CHCHD3: variants seen among roughly 807,000 people sequenced by gnomAD.
CHCHD3 encodes MICOS complex subunit MIC19.
CHCHD3 carries 20 observed loss-of-function variants against 38.2 expected under a neutral mutation model. The observed-to-expected ratio is 0.52, with a 90% CI of 0.37 to 0.76. CHCHD3 has a LOEUF of 0.76. Ranked by LOEUF, CHCHD3 falls within the 30% of genes least tolerant of loss-of-function variation. The pLI is 0.00. For synonymous variants in CHCHD3, 82 were observed against 100.0 expected (o/e 0.82, Z 1.07); for missense variants, 245 against 279.2 (o/e 0.88, Z 0.87).
chr7:133,016,761 A>C (rs747457984), intron 3 of CHCHD3, among the ~76,000 whole-genome samples: 6 of 152,204 alleles, frequency 3.9e-5, no homozygotes, highest in Non-Finnish European at 8.8e-5. Flanking sequence ...CAGATCCTGC[A>C]CAGAAGGACC....
chr7:132,942,734 A>T (rs1008459799), intron 4 of CHCHD3, among the ~76,000 whole-genome samples: 10 of 152,346 alleles, frequency 6.6e-5, no homozygotes. Flanking sequence ...TGAATGGAGA[A>T]AAACATATAA....
rs148964975 is a variant in CHCHD3, at chr7:133,035,093, G to A, written c.170-10466C>T. ...TGGGCAGGTGAGCGAAGGGGTCCTTGGCCTTGGGCTCAGCAGCCAGCGCCT... is the reference window on the plus strand; with the variant it reads ...TGGGCAGGTGAGCGAAGGGGTCCTTAGCCTTGGGCTCAGCAGCCAGCGCCT... On this transcript the variant is annotated intron_variant, in intron 2 of 7. Transcript: ENST00000262570. This position sits in a 1 kb window ranked among gnomAD's most constrained non-coding sequence, Gnocchi z 4.7. 3,032 of 1,613,684 alleles carry A rather than the reference G, an allele frequency of 1.9e-3. 28 individuals are homozygous for A. In the Middle Eastern group the frequency reaches 0.029, roughly 15 times the overall value.
chr7:132,886,383 AG>A (rs1227457965), intron 4 of CHCHD3, among the ~76,000 whole-genome samples: 1 of 151,934 alleles, frequency 6.6e-6, no homozygotes, highest in Non-Finnish European at 1.5e-5. Flanking sequence ...AATCAAAACA[AG>A]TATAATATTT....
rs186027889 is a variant in CHCHD3, at chr7:132,852,614, G to A, written c.454-14145C>T. ...GAATCCAGGTTGACAGAAAAACTGAGTGAATCCAGTTATTACCCTTCAGCT... is the reference window on the plus strand; with the variant it reads ...GAATCCAGGTTGACAGAAAAACTGAATGAATCCAGTTATTACCCTTCAGCT... On this transcript the variant is annotated intron_variant, in intron 5 of 7. Coordinates refer to ENST00000262570, the MANE Select transcript of CHCHD3 (RefSeq NM_017812.4). 2.6e-3 allele frequency among the ~76,000 whole-genome samples: 393 copies of A among 152,284 alleles called. 3 individuals are homozygous for A. The highest frequency in any genetic ancestry group is 9.0e-3 in the African/African-American group (374 of 41,564).
chr7:132,901,556 TG>T lies in CHCHD3; in HGVS notation c.370-15812del, dbSNP rs1162751800. ...GTTTAGACTTAGCTTTGTTCTTCTC[TG>T]ATGGCCAGTGATGATCAGATCTGTT... is the stretch of plus-strand genomic sequence containing the variant. On this transcript the variant is annotated intron_variant, in intron 4 of 7. Coordinates refer to ENST00000262570, the MANE Select transcript of CHCHD3 (RefSeq NM_017812.4). 1.2e-4 allele frequency among the ~76,000 whole-genome samples: 19 copies of T among 152,362 alleles called. 1 individual carries two copies. The highest frequency in any genetic ancestry group is 3.4e-3 in the Middle Eastern group (1 of 294).
intron 5 of CHCHD3, among the ~76,000 whole-genome samples, chr7:132,851,709 C>T (rs1359494168): frequency 6.6e-6 from 1 of 152,216 alleles, no homozygotes; most frequent in African/African-American, 2.4e-5. Context: ...AGCACAGGAA[C>T]CTCCCATTCT....
chr7:132,961,139 A>T (rs111902776), intron 4 of CHCHD3, among the ~76,000 whole-genome samples: 3,192 of 152,158 alleles, frequency 0.021, 136 homozygotes, highest in African/African-American at 0.072. Flanking sequence ...TAAATTAGCC[A>T]GGTGTGGTAG....
At chr7:132,838,291 G>A in intron 6 of CHCHD3, 108 bp downstream of exon 6, 1 of 660,430 alleles carries the variant, frequency 1.5e-6, no homozygotes, top group Non-Finnish European at 2.5e-6. Context: ...ACTCTTCCAA[G>A]TATTCTAGAG....
At chr7:132,956,024 G>C (rs139454037) in intron 4 of CHCHD3, among the ~76,000 whole-genome samples, 1 of 152,338 alleles carries the variant, frequency 6.6e-6, no homozygotes, top group East Asian at 1.9e-4. Context: ...AACAGAGCCT[G>C]ACTAAAGTTT....
chr7:132,820,493 G>C lies in CHCHD3; in HGVS notation c.524+17906C>G, dbSNP rs575818893. On this transcript the variant is annotated intron_variant, in intron 6 of 7. Coordinates refer to ENST00000262570, the MANE Select transcript of CHCHD3 (RefSeq NM_017812.4). Reference sequence around the variant, plus strand: ...CGCATCCCTTTCTCACTCTCTATAGGAATTTATCTCCTTTCATAGAAACAA... The same window carrying C: ...CGCATCCCTTTCTCACTCTCTATAGCAATTTATCTCCTTTCATAGAAACAA... Among the ~76,000 whole-genome samples, 121 of 152,046 alleles carry C rather than the reference G, an allele frequency of 8.0e-4. 1 individual carries two copies. The highest frequency in any genetic ancestry group is 1.4e-3 in the Non-Finnish European group (96 of 68,000).
Position 133,059,715 on chromosome 7 carries a change from T to C in CHCHD3, c.169+10427A>G, listed in dbSNP as rs1814444688. The stretch of plus-strand genomic sequence containing the variant: ...CGATTGAGACCTGAAACTGGCATTG[T>C]ATAAGCACCATCAGGAGCCTGGTGA... On this transcript the variant is annotated intron_variant, in intron 2 of 7. Coordinates refer to ENST00000262570, the MANE Select transcript of CHCHD3 (RefSeq NM_017812.4). Among the ~76,000 whole-genome samples the C allele has an allele frequency of 2.0e-5, 3 of 152,148 alleles. No individual in the cohort carries two copies. In the South Asian group the frequency reaches 6.2e-4, roughly 32 times the overall value.
At chr7:132,986,363 C>T (rs1184135149) in intron 3 of CHCHD3, among the ~76,000 whole-genome samples, 1 of 147,528 alleles carries the variant, frequency 6.8e-6, no homozygotes, top group Admixed American at 6.8e-5. Flanking sequence ...CCTGCCAAAT[C>T]CCCCTCTGCG....
intron 4 of CHCHD3, among the ~76,000 whole-genome samples, chr7:132,897,398 C>A (rs1389136182): frequency 6.6e-6 from 1 of 152,206 alleles, no homozygotes; most frequent in African/African-American, 2.4e-5. Flanking sequence ...TTAATGTTCA[C>A]ACTATTGGGA....
At chr7:133,013,783 G>A (rs776306670) in intron 3 of CHCHD3, among the ~76,000 whole-genome samples, 2 of 152,102 alleles carry the variant, frequency 1.3e-5, no homozygotes, top group Non-Finnish European at 2.9e-5. Context: ...TTTGTAGGGA[G>A]TAAGAATAAG....
intron 7 of CHCHD3, among the ~76,000 whole-genome samples, chr7:132,792,571 C>T (rs1316549371): frequency 1.3e-5 from 2 of 152,168 alleles, no homozygotes; most frequent in Non-Finnish European, 2.9e-5. Context: ...CTGGAGGTCT[C>T]AAAAGGAGAG....
At chr7:133,018,414 T>C (rs965918423) in intron 3 of CHCHD3, among the ~76,000 whole-genome samples, 3 of 152,232 alleles carry the variant, frequency 2.0e-5, no homozygotes, top group Admixed American at 6.5e-5. Context: ...TGTGACTGCA[T>C]TGAGAATATA....
At chr7:132,804,454 G>C (rs1396843011) in intron 6 of CHCHD3, among the ~76,000 whole-genome samples, 3 of 152,134 alleles carry the variant, frequency 2.0e-5, no homozygotes, top group Admixed American at 6.5e-5. Context: ...GGGGTGACTC[G>C]GGTGGTGCGA....
In CHCHD3 at chr7:133,070,168, C is replaced by T. The variant is rs555810472; in HGVS notation, c.143G>A (p.Arg48Gln). 6.3e-5 allele frequency: 101 copies of T among 1,612,342 alleles called. No individual in the cohort carries two copies. In the African/African-American group the frequency reaches 9.6e-4, roughly 15 times the overall value. Residue 48 changes from arginine (R) to glutamine (Q), a missense_variant, in exon 2 of 8, where the codon CGG becomes CAG. Physicochemically the swap from Arg to Gln is conservative, Grantham distance 43 (BLOSUM62 1). Coordinates refer to ENST00000262570, the MANE Select transcript of CHCHD3 (RefSeq NM_017812.4). ...ESSPSGSKSQ[R>Q]YSGAYGASVS... ...TGAGGCACCATAAGCACCAGAATACCGCTGAGACTTCGAACCAGATGGAGA... is the reference window on the plus strand; with the variant it reads ...TGAGGCACCATAAGCACCAGAATACTGCTGAGACTTCGAACCAGATGGAGA...
chr7:132,987,191 C>T (rs895069134), intron 3 of CHCHD3, among the ~76,000 whole-genome samples: 1 of 152,146 alleles, frequency 6.6e-6, no homozygotes, highest in Non-Finnish European at 1.5e-5. Flanking sequence ...AAGGACCTTT[C>T]TTCATCAGAC....
Sources: allele counts gnomAD v4.1 joint callset (sites outside exome capture counted in the v4.1 genomes callset), GRCh38; gene constraint gnomAD v4.1.1; non-coding constraint Gnocchi (gnomAD v3.1); transcripts MANE v1.5; gene names NCBI Gene and HGNC (gene_info 2026-07-23, HGNC 2026-07-21).